Variants in AKR1B1 observed in about 807,000 individuals in gnomAD.
AKR1B1 encodes aldo-keto reductase family 1 member B, also known as aldo-keto reductase family 1 member B1.
A neutral mutation model predicts 40.4 loss-of-function variants in AKR1B1; 22 were observed. The ratio of observed to expected loss-of-function variants is 0.54; its 90% CI spans 0.39 to 0.78. AKR1B1 has a LOEUF of 0.78. Among genes scored for constraint, AKR1B1 ranks in the 30% least tolerant of loss-of-function variants. The pLI, the probability that AKR1B1 is intolerant of heterozygous loss-of-function variation, is 0.00. For synonymous variants in AKR1B1, 157 were observed against 149.9 expected (o/e 1.05, Z -0.35); for missense variants, 357 against 396.7 (o/e 0.90, Z 0.85).
At chr7:134,456,861 A>G (rs1229193185) in intron 1 of AKR1B1, among the ~76,000 whole-genome samples, 1 of 152,232 alleles carries the variant, frequency 6.6e-6, no homozygotes, top group Non-Finnish European at 1.5e-5. Flanking sequence ...ATGTTATCTT[A>G]AACAAATACA....
chr7:134,449,441 G>A (rs1562907803), intron 4 of AKR1B1: 6 of 563,488 alleles, frequency 1.1e-5, no homozygotes, highest in Non-Finnish European at 1.9e-5. Context: ...AAAAAAATTA[G>A]CCGGGCGTGG....
At chr7:134,451,822 A>G in intron 1 of AKR1B1, 69 bp from the exon 2 acceptor site, 2 of 1,547,324 alleles carry the variant, frequency 1.3e-6, no homozygotes, top group South Asian at 1.2e-5. Context: ...GGGCAGTGGC[A>G]GCCACCGATA....
chr7:134,448,097 T>A (rs1450062210), intron 6 of AKR1B1, 36 bp from the exon 7 acceptor site: 1 of 1,547,210 alleles, frequency 6.5e-7, no homozygotes, highest in East Asian at 2.3e-5. Context: ...CACACCATCA[T>A]GGCCACCACT....
Position 134,449,770 on chromosome 7 carries a change from C to T in AKR1B1, c.379G>A (p.Glu127Lys). The change falls in exon 4 of 10, where the codon GAG (glutamate) becomes AAG (lysine). Residue 127 changes from glutamate to lysine, a missense_variant. Glu to Lys is a moderately conservative substitution (Grantham distance 56). Transcript: ENST00000285930. ...TCACTGGGAACCACATTGCCCGACT[C>T]ATCCAATGGGAAAAATTCCTTCCCA... ...KPGKEFFPLD[E>K]SGNVVPSDTN... 4.3e-6 allele frequency: 7 copies of T among 1,614,064 alleles called. No homozygotes were observed. The highest frequency in any genetic ancestry group is 5.9e-6 in the Non-Finnish European group (7 of 1,179,940).
Position 134,449,789 on chromosome 7 carries a change from C to G in AKR1B1, c.360G>C (p.Lys120Asn), listed in dbSNP as rs145091628. Residue 120 changes from lysine (K) to asparagine (N), a missense_variant, in exon 4 of 10, where the codon AAG becomes AAC. Coordinates refer to ENST00000285930, the MANE Select transcript of AKR1B1 (RefSeq NM_001628.4). ...IHWPTGFKPGKEFFPLDESGN... is the reference protein window; with the variant it reads ...IHWPTGFKPGNEFFPLDESGN... ...CCGACTCATCCAATGGGAAAAATTC[C>G]TTCCCAGGCTGTCATTACAATAAAA... 5.5e-5 allele frequency: 89 copies of G among 1,613,558 alleles called. No individual in the cohort carries two copies. In the African/African-American group the frequency reaches 1.0e-3, roughly 18 times the overall value.
chr7:134,442,851 G>A, intron 9 of AKR1B1, 81 bp from the exon 10 acceptor site: 1 of 1,320,450 alleles, frequency 7.6e-7, no homozygotes, highest in Non-Finnish European at 1.1e-6. Flanking sequence ...GAAATGATGT[G>A]TCTCACTGAA....
intron 1 of AKR1B1, 88 bp from the exon 2 acceptor site, chr7:134,451,841 C>T: frequency 1.4e-6 from 2 of 1,414,296 alleles, no homozygotes; most frequent in South Asian, 2.4e-5. Flanking sequence ...TACCTGCTGA[C>T]CAGCCTGCCA....
chr7:134,447,550 C>T, intron 7 of AKR1B1, 169 bp from the exon 8 acceptor site: 1 of 694,778 alleles, frequency 1.4e-6, no homozygotes, highest in Admixed American at 2.0e-5. Context: ...GCGACGCATT[C>T]AGGTCCAGAT....
rs138500864 is a variant in AKR1B1 at position 134,456,597 on chromosome 7, C to T, written c.66+2400G>A. On this transcript the variant is annotated intron_variant, in intron 1 of 9. Coordinates refer to ENST00000285930, the MANE Select transcript of AKR1B1 (RefSeq NM_001628.4). Reference sequence around the variant, plus strand: ...ACCCACCATTCCCCGCTGCCCCCACCGTACAATTCTACACCAACCTGATCT... The same window carrying T: ...ACCCACCATTCCCCGCTGCCCCCACTGTACAATTCTACACCAACCTGATCT... Among the ~76,000 whole-genome samples the T allele has an allele frequency of 4.3e-3, 659 of 152,160 alleles. 2 individuals are homozygous for T. The highest frequency in any genetic ancestry group is 7.3e-3 in the Non-Finnish European group (496 of 67,992).
intron 1 of AKR1B1, among the ~76,000 whole-genome samples, chr7:134,452,265 G>T (rs188426502): frequency 6.6e-6 from 1 of 152,128 alleles, no homozygotes; most frequent in Non-Finnish European, 1.5e-5. Flanking sequence ...GTTTTCAAGC[G>T]GTTCTGGGAG....
intron 1 of AKR1B1, 134 bp downstream of exon 1, chr7:134,458,863 A>T (rs980205161): frequency 9.5e-7 from 1 of 1,053,222 alleles, no homozygotes; most frequent in African/African-American, 1.6e-5. Context: ...GGACCCTGCA[A>T]GCCCGCGCGT....
intron 9 of AKR1B1, 106 bp from the exon 10 acceptor site, chr7:134,442,876 C>T (rs963004431): frequency 3.6e-6 from 4 of 1,119,404 alleles, no homozygotes; most frequent in East Asian, 2.6e-5. Context: ...TAAAATAGAA[C>T]CTCAGAGGCA....
At chr7:134,458,207 A>C (rs1050093224) in intron 1 of AKR1B1, among the ~76,000 whole-genome samples, 2 of 149,682 alleles carry the variant, frequency 1.3e-5, no homozygotes, top group Admixed American at 6.6e-5. Flanking sequence ...ATGATGTTTC[A>C]TGTCCTATTG....
chr7:134,449,612 A>G, intron 4 of AKR1B1, 108 bp downstream of exon 4: 2 of 968,850 alleles, frequency 2.1e-6, no homozygotes, highest in Middle Eastern at 4.2e-4. Flanking sequence ...GAGAGCAAAC[A>G]ACAGGGACAG....
At chr7:134,449,831 A>C (rs553216133) in intron 3 of AKR1B1, 34 bp from the exon 4 acceptor site, 1 of 1,565,460 alleles carries the variant, frequency 6.4e-7, no homozygotes, top group Non-Finnish European at 8.8e-7. Flanking sequence ...CAAACAAAAC[A>C]ATCAGTAATA....
At chr7:134,454,578 G>A (rs1022566505) in intron 1 of AKR1B1, among the ~76,000 whole-genome samples, 3 of 152,142 alleles carry the variant, frequency 2.0e-5, no homozygotes, top group Non-Finnish European at 2.9e-5. Flanking sequence ...CAGTGTTTAT[G>A]GTAAAACCAA....
At chr7:134,443,476 G>A (rs1455644890) in intron 9 of AKR1B1, among the ~76,000 whole-genome samples, 4 of 152,126 alleles carry the variant, frequency 2.6e-5, no homozygotes, top group African/African-American at 4.8e-5. Flanking sequence ...GAGAAGCAAC[G>A]GCAAGTGCTC....
Position 134,451,598 on chromosome 7 carries a change from G to C in AKR1B1, c.222C>G (p.Phe74Leu). 1 of 1,614,048 alleles carries C rather than the reference G, an allele frequency of 6.2e-7. No homozygotes were observed. The highest frequency in any genetic ancestry group is 8.5e-7 in the Non-Finnish European group (1 of 1,180,018). Reference sequence around the variant, plus strand: ...CGCGGAACGATACCTTGCTGACGATGAAGAGCTCCTCACGCTTCACCACCT... The same window carrying C: ...CGCGGAACGATACCTTGCTGACGATCAAGAGCTCCTCACGCTTCACCACCT... The part of the protein sequence containing the change: ...REQVVKREEL[F>L]IVSKLWCTYH... The change falls in exon 2 of 10, where the codon TTC becomes TTG. Residue 74 changes from phenylalanine (F) to leucine (L), a missense_variant. Physicochemically the swap from Phe to Leu is conservative, Grantham distance 22. Transcript: ENST00000285930.
In AKR1B1 at chr7:134,447,397, G is replaced by A; in HGVS notation, c.742-16C>T. ...GGATCAGGACCTGTGAGCCCAAGGAGACAGTGAGTGTGTATACATGCCAGG... is the reference window on the plus strand; with the variant it reads ...GGATCAGGACCTGTGAGCCCAAGGAAACAGTGAGTGTGTATACATGCCAGG... On this transcript the variant is annotated splice_polypyrimidine_tract_variant and intron_variant, in intron 7 of 9. Coordinates refer to ENST00000285930, the MANE Select transcript of AKR1B1 (RefSeq NM_001628.4). 1.2e-6 allele frequency: 2 copies of A among 1,611,652 alleles called. No homozygotes were observed. Among genetic ancestry groups the A allele is most frequent in the Non-Finnish European group, 8.5e-7 (1 of 1,177,954 alleles).
Sources: gnomAD v4.1 joint callset for allele counts (sites outside exome capture counted in the v4.1 genomes callset) on GRCh38, gnomAD v4.1.1 for gene constraint, MANE v1.5 for transcripts, NCBI Gene and HGNC (gene_info 2026-07-23, HGNC 2026-07-21) for gene names.